The following SGCZ variants were observed in gnomAD, a reference collection of about 807,000 sequenced individuals.
The protein encoded by SGCZ is zeta-sarcoglycan.
A neutral mutation model predicts 41.3 loss-of-function variants in SGCZ; 40 were observed. The observed-to-expected ratio is 0.97, with a 90% CI of 0.75 to 1.26. The LOEUF (loss-of-function observed/expected upper bound fraction) is 1.26. Among genes scored for constraint, SGCZ ranks in the 50% most tolerant of loss-of-function variants. SGCZ has a pLI of 0.00. For synonymous variants in SGCZ, 206 were observed against 137.5 expected (o/e 1.50, Z -3.49); for missense variants, 552 against 369.8 (o/e 1.49, Z -4.04).
intron 5 of SGCZ, among the ~76,000 whole-genome samples, chr8:14,163,640 T>C (rs1804116720): frequency 6.6e-6 from 1 of 152,122 alleles, no homozygotes; most frequent in Admixed American, 6.6e-5. Context: ...ATCATTCAGA[T>C]GAGGGAAAAT....
chr8:14,839,007 C>A (rs1042953065), intron 1 of SGCZ, among the ~76,000 whole-genome samples: 1 of 152,030 alleles, frequency 6.6e-6, no homozygotes, highest in Non-Finnish European at 1.5e-5. Flanking sequence ...GAAAGAAAGA[C>A]CTGGAGGGTC....
chr8:14,336,087 A>G (rs1031647483), intron 2 of SGCZ, among the ~76,000 whole-genome samples: 1 of 151,698 alleles, frequency 6.6e-6, no homozygotes, highest in Non-Finnish European at 1.5e-5. Flanking sequence ...CCTCTAGTAG[A>G]CCCCAGTGTA....
At chr8:15,099,754 C>T (rs1806530561) in intron 1 of SGCZ, among the ~76,000 whole-genome samples, 1 of 152,076 alleles carries the variant, frequency 6.6e-6, no homozygotes, top group Non-Finnish European at 1.5e-5. Context: ...TTGTACACCA[C>T]AACCAAGTGA....
chr8:14,476,379 T>C (rs1456990784), intron 2 of SGCZ, among the ~76,000 whole-genome samples: 1 of 152,196 alleles, frequency 6.6e-6, no homozygotes, highest in East Asian at 1.9e-4. Context: ...CTGATTCCCA[T>C]CATAAATCTT....
intron 1 of SGCZ, among the ~76,000 whole-genome samples, chr8:15,037,562 A>C (rs1049278821): frequency 2.6e-5 from 4 of 152,184 alleles, no homozygotes; most frequent in African/African-American, 9.6e-5. Context: ...AGATCAGTAC[A>C]TAAAGAGAGA....
intron 1 of SGCZ, among the ~76,000 whole-genome samples, chr8:14,673,587 C>G (rs1406182750): frequency 6.6e-6 from 1 of 152,026 alleles, no homozygotes; most frequent in Non-Finnish European, 1.5e-5. Flanking sequence ...TTAAACCTCT[C>G]TTATTTATAA....
chr8:14,696,765 A>G (rs1808976661), intron 1 of SGCZ, among the ~76,000 whole-genome samples: 1 of 151,950 alleles, frequency 6.6e-6, no homozygotes, highest in Admixed American at 6.6e-5. Flanking sequence ...GGCGTTCATA[A>G]GTGTCTGTTT....
At chr8:14,441,330 A>T (rs10086381) in intron 2 of SGCZ, among the ~76,000 whole-genome samples, 1 of 152,152 alleles carries the variant, frequency 6.6e-6, no homozygotes, top group African/African-American at 2.4e-5. Context: ...TAATCCCAGC[A>T]CTTTGGGAGG....
At chr8:14,690,167 G>A (rs10101674) in intron 1 of SGCZ, among the ~76,000 whole-genome samples, 6 of 149,530 alleles carry the variant, frequency 4.0e-5, no homozygotes, top group African/African-American at 9.9e-5. Flanking sequence ...TTTTGGGCCC[G>A]TGTTGTGTGT....
At chr8:14,491,189 A>G (rs1801831536) in intron 2 of SGCZ, among the ~76,000 whole-genome samples, 1 of 152,134 alleles carries the variant, frequency 6.6e-6, no homozygotes. Context: ...AATGTTTACA[A>G]ATTTATGGTC....
At chr8:14,418,749 A>G (rs760004094) in intron 2 of SGCZ, among the ~76,000 whole-genome samples, 7 of 152,006 alleles carry the variant, frequency 4.6e-5, no homozygotes, top group Non-Finnish European at 4.4e-5. Flanking sequence ...AAAAATAAAC[A>G]TACAGAAAAT....
chr8:14,536,689 T>G (rs1023668398), intron 2 of SGCZ, among the ~76,000 whole-genome samples: 2 of 151,888 alleles, frequency 1.3e-5, no homozygotes, highest in Admixed American at 6.6e-5. Flanking sequence ...TGGTATATGC[T>G]GCTCAAAGCA....
At chr8:14,574,213 G>T (rs978989722) in intron 1 of SGCZ, among the ~76,000 whole-genome samples, 2 of 152,078 alleles carry the variant, frequency 1.3e-5, no homozygotes, top group Non-Finnish European at 2.9e-5. Flanking sequence ...CTCAGAAAAC[G>T]ATACTCCAAA....
At chr8:14,352,822 C>T (rs1362168642) in intron 2 of SGCZ, among the ~76,000 whole-genome samples, 1 of 152,080 alleles carries the variant, frequency 6.6e-6, no homozygotes, top group African/African-American at 2.4e-5. Flanking sequence ...ACAACACATG[C>T]ATGCAGTCAT....
chr8:14,199,872 T>C (rs1585224522), intron 4 of SGCZ, among the ~76,000 whole-genome samples: 1 of 152,164 alleles, frequency 6.6e-6, no homozygotes, highest in Non-Finnish European at 1.5e-5. Context: ...TAAGAACAAA[T>C]CTTCTATCCA....
At chr8:14,773,456 C>T (rs548354036) in intron 1 of SGCZ, among the ~76,000 whole-genome samples, 1 of 152,176 alleles carries the variant, frequency 6.6e-6, no homozygotes, top group East Asian at 1.9e-4. Flanking sequence ...TTATTAATAC[C>T]ATTACGTATC....
At chr8:14,747,559 G>A (rs532854811) in intron 1 of SGCZ, among the ~76,000 whole-genome samples, 107 of 151,876 alleles carry the variant, frequency 7.0e-4, no homozygotes, top group African/African-American at 2.5e-3. Context: ...CAATTTTAAA[G>A]TATTTTTGTA....
At chr8:14,165,566 C>A (rs151301219) in intron 4 of SGCZ, among the ~76,000 whole-genome samples, 31 of 152,180 alleles carry the variant, frequency 2.0e-4, no homozygotes, top group African/African-American at 7.2e-4. Flanking sequence ...GTCCAAATTT[C>A]TTTGGACATA....
chr8:14,690,473 C>T (rs185136180), intron 1 of SGCZ: 1 of 152,080 alleles, frequency 6.6e-6, no homozygotes, highest in Non-Finnish European at 1.5e-5. Flanking sequence ...AAGAACATTG[C>T]AACCAAGTGG....
Sources: gnomAD v4.1 joint callset for allele counts (sites outside exome capture counted in the v4.1 genomes callset) on GRCh38, gnomAD v4.1.1 for gene constraint, MANE v1.5 for transcripts, NCBI Gene and HGNC (gene_info 2026-07-23, HGNC 2026-07-21) for gene names.